LSP1: variants seen among roughly 807,000 people sequenced by gnomAD.
LSP1 encodes lymphocyte specific protein 1, also known as lymphocyte-specific protein 1.
Under a neutral mutation model 49.3 loss-of-function variants are expected in LSP1, and 32 were observed. The observed-to-expected ratio is 0.65, with a 90% confidence interval of 0.49 to 0.87. The LOEUF is 0.87. Among genes scored for constraint, LSP1 ranks in the 40% least tolerant of loss-of-function variants. The pLI, the probability that LSP1 is intolerant of heterozygous loss-of-function variation, is 0.00. For synonymous variants in LSP1, 179 were observed against 178.8 expected (o/e 1.00, Z -0.01); for missense variants, 428 against 442.6 (o/e 0.97, Z 0.30).
At chr11:1,870,862 C>A (rs985538818) in intron 1 of LSP1, 2 of 986,356 alleles carry the variant, frequency 2.0e-6, no homozygotes, top group Admixed American at 6.1e-5. Context: ...AAGCCTGCCT[C>A]GTGAGCACGG....
intron 2 of LSP1, 130 bp downstream of exon 2, chr11:1,880,354 A>G: frequency 3.3e-5 from 39 of 1,181,534 alleles, no homozygotes; most frequent in Non-Finnish European, 3.9e-5. Flanking sequence ...AAGGGCCCCC[A>G]GGAGCAGGCG....
At chr11:1,862,345 C>T (rs1847663971) in intron 1 of LSP1, among the ~76,000 whole-genome samples, 1 of 152,232 alleles carries the variant, frequency 6.6e-6, no homozygotes, top group Non-Finnish European at 1.5e-5. Flanking sequence ...CTTGTCACTT[C>T]CCATCCATCA....
At chr11:1,854,598 G>A (rs909616342) in intron 1 of LSP1, among the ~76,000 whole-genome samples, 3 of 152,226 alleles carry the variant, frequency 2.0e-5, no homozygotes, top group Non-Finnish European at 2.9e-5. Context: ...CCCGAGTGCC[G>A]TGAGTGGAGT....
intron 3 of LSP1, among the ~76,000 whole-genome samples, chr11:1,882,711 T>C (rs1045896830): frequency 1.3e-5 from 2 of 152,222 alleles, no homozygotes; most frequent in African/African-American, 4.8e-5. Flanking sequence ...TGCTCCTGAA[T>C]GGCCCCTCTG....
At chr11:1,890,251 G>A (rs1049837096) in intron 10 of LSP1, 8 of 715,734 alleles carry the variant, frequency 1.1e-5, no homozygotes, top group East Asian at 8.1e-5. Context: ...GGGGAGCGGG[G>A]TAGGGCAGCC....
chr11:1,875,084 G>T (rs931527090), intron 1 of LSP1, among the ~76,000 whole-genome samples: 1 of 152,048 alleles, frequency 6.6e-6, no homozygotes, highest in African/African-American at 2.4e-5. Flanking sequence ...CGGCCATGGG[G>T]GCTTCGGCAT....
intron 1 of LSP1, among the ~76,000 whole-genome samples, chr11:1,854,379 G>A (rs1055494108): frequency 4.6e-5 from 7 of 152,184 alleles, no homozygotes; most frequent in South Asian, 2.1e-4. Context: ...AGAGGGTCCC[G>A]GTCTACCCGA....
chr11:1,868,844 A>T (rs933386175), intron 1 of LSP1: 4 of 985,698 alleles, frequency 4.1e-6, no homozygotes, highest in Non-Finnish European at 4.8e-6. Flanking sequence ...AGCTGGGCAG[A>T]GCGGCCAGCA....
chr11:1,875,120 C>T (rs1848253127), intron 1 of LSP1, among the ~76,000 whole-genome samples: 1 of 149,436 alleles, frequency 6.7e-6, no homozygotes, highest in African/African-American at 2.6e-5. Context: ...GGCAGAGCCT[C>T]CGGCCCCTGC....
intron 1 of LSP1, chr11:1,876,726 G>A (rs1485536055): frequency 2.5e-6 from 2 of 787,418 alleles, no homozygotes; most frequent in Non-Finnish European, 3.0e-6. Flanking sequence ...TGGGGGTGGG[G>A]GTTTGTGGAG....
At position 1,889,431 on chromosome 11, in the gene LSP1, G is replaced by C. The variant is rs756200892; in HGVS notation, c.*13+1855G>C. On this transcript the variant is annotated intron_variant, in intron 10 of 10. Coordinates refer to ENST00000311604, the MANE Select transcript of LSP1 (RefSeq NM_002339.3). The stretch of plus-strand genomic sequence containing the variant: ...GGGGGCCCGGGGTGCGGTGAGGGCG[G>C]GCACCTCCTGCTCTGTGGGGGCAGG... 6.4e-5 allele frequency: 43 copies of C among 666,870 alleles called. 2 individuals are homozygous for C. The South Asian group carries it at 7.1e-4, about 11-fold the overall frequency. The allele number at this position is 666,870 out of a possible 1,614,324, so 41.3% of individuals were successfully genotyped here. A position where few individuals can be genotyped will look rare whatever the true frequency, so the allele number is the denominator to read the frequency against.
intron 1 of LSP1, among the ~76,000 whole-genome samples, chr11:1,864,930 C>T (rs1847737479): frequency 6.6e-6 from 1 of 151,892 alleles, no homozygotes; most frequent in Admixed American, 6.6e-5. Flanking sequence ...GGCAGAGGGT[C>T]ACAGGGACAA....
At chr11:1,873,680 G>A (rs1848142192) in intron 1 of LSP1, among the ~76,000 whole-genome samples, 1 of 151,854 alleles carries the variant, frequency 6.6e-6, no homozygotes, top group South Asian at 2.1e-4. Flanking sequence ...CGAGGCTATG[G>A]CTATGGAAGA....
chr11:1,873,556 G>C (rs1344286412), intron 1 of LSP1, among the ~76,000 whole-genome samples: 4 of 151,328 alleles, frequency 2.6e-5, no homozygotes, highest in Admixed American at 1.3e-4. Flanking sequence ...GAAGGATAGA[G>C]GGAGGAGGGA....
rs1361979461 is a variant in LSP1 at position 1,868,759 on chromosome 11, AG to A, written c.54-11327del. The A allele has an allele frequency of 3.0e-6, 3 of 985,720 alleles. No individual in the cohort carries two copies. In the African/African-American group the frequency reaches 5.2e-5, roughly 17 times the overall value. The allele number at this position is 985,720 out of a possible 1,614,324, so 61.1% of individuals were successfully genotyped here. On this transcript the variant is annotated intron_variant, in intron 1 of 10. Coordinates refer to ENST00000311604, the MANE Select transcript of LSP1 (RefSeq NM_002339.3). The stretch of plus-strand genomic sequence containing the variant: ...CAGGGGTGCAGGGACCGAGTGGCCC[AG>A]CCCCCTGGGCAGGGTGTCAGGGCCA...
chr11:1,883,659 C>T, intron 4 of LSP1, 99 bp downstream of exon 4: 1 of 1,429,876 alleles, frequency 7.0e-7, no homozygotes. Flanking sequence ...GGGTCTAGCC[C>T]AGAGTGGGTC....
At position 1,889,043 on chromosome 11, in the gene LSP1, C is replaced by G. The variant is rs1804912497; in HGVS notation, c.*13+1467C>G. 3 of 576,738 alleles carry G rather than the reference C, an allele frequency of 5.2e-6. No homozygotes were observed. In the Admixed American group the frequency reaches 9.7e-5, roughly 19 times the overall value. 35.7% of individuals were successfully genotyped at this position (576,738 alleles called of 1,614,324 possible). A position where few individuals can be genotyped will look rare whatever the true frequency, so the allele number is the denominator to read the frequency against. ...CCCTGCACCCCATGCCCCTTGGGCC[C>G]TGGTGCATCTTCATGCAGCAACTAT... On this transcript the variant is annotated intron_variant, in intron 10 of 10. Coordinates refer to ENST00000311604, the MANE Select transcript of LSP1 (RefSeq NM_002339.3).
At chr11:1,859,286 C>T (rs556130251) in intron 1 of LSP1, among the ~76,000 whole-genome samples, 2 of 152,130 alleles carry the variant, frequency 1.3e-5, no homozygotes, top group South Asian at 2.1e-4. Context: ...AGCCCAGTAC[C>T]CTTCCCAGAG....
rs1848188171 is a variant in LSP1, at chr11:1,874,067, C to CGGCGGAGGAGGGAGGCT, written c.54-6017_54-6016insGGAGGAGGGAGGCTGGC. On this transcript the variant is annotated intron_variant, in intron 1 of 10. Coordinates refer to ENST00000311604, the MANE Select transcript of LSP1 (RefSeq NM_002339.3). ...AGGGAGGCTGGCAGAGCAGGGAGGC[C>CGGCGGAGGAGGGAGGCT]GGCAGAGGAGGGAGGCCGGCAGAGC... Among the ~76,000 whole-genome samples the CGGCGGAGGAGGGAGGCT allele has an allele frequency of 3.1e-5, 3 of 96,576 alleles. 1 individual carries two copies. Among genetic ancestry groups the CGGCGGAGGAGGGAGGCT allele is most frequent in the Non-Finnish European group, 4.3e-5 (2 of 46,768 alleles). 63.4% of individuals were successfully genotyped at this position (96,576 alleles called of 152,430 possible).
Sources: gnomAD v4.1 joint callset for allele counts (sites outside exome capture counted in the v4.1 genomes callset) on GRCh38, gnomAD v4.1.1 for gene constraint, MANE v1.5 for transcripts, NCBI Gene and HGNC (gene_info 2026-07-23, HGNC 2026-07-21) for gene names.